Variants in TENM3 observed in about 807,000 individuals in gnomAD.
The protein encoded by TENM3 is teneurin-3.
In TENM3, 63 loss-of-function variants were observed where a neutral mutation model predicts 255.1. That is an observed-to-expected ratio of 0.25 (90% CI 0.20 to 0.30). The LOEUF is 0.30. TENM3 is among the 10% of genes least tolerant of loss of function. TENM3 has a pLI of 1.00. For missense variants in TENM3, 2,929 were observed against 3,461.1 expected (o/e 0.85, Z 3.86); for synonymous variants, 1,306 against 1,322.3 (o/e 0.99, Z 0.27).
the TENM3 span, among the ~76,000 whole-genome samples, chr4:181,881,398 T>C: frequency 6.6e-6 from 1 of 152,094 alleles, no homozygotes; most frequent in Non-Finnish European, 1.5e-5. Context: ...AAATAAGTAG[T>C]TCAGAAGACA....
intron 1 of TENM3, among the ~76,000 whole-genome samples, chr4:182,209,359 G>A (rs981405379): frequency 6.6e-6 from 1 of 151,140 alleles, no homozygotes; most frequent in African/African-American, 2.4e-5. Flanking sequence ...CAAGGCAGGT[G>A]CTTCCCAGGC....
At chr4:181,856,235 T>C in the TENM3 span, among the ~76,000 whole-genome samples, 3 of 151,826 alleles carry the variant, frequency 2.0e-5, no homozygotes, top group Non-Finnish European at 4.4e-5. Flanking sequence ...CAGTTACCCC[T>C]ACCTCAATGT....
intron 3 of TENM3, among the ~76,000 whole-genome samples, chr4:182,437,458 G>A (rs1193364359): frequency 2.0e-5 from 3 of 150,188 alleles, no homozygotes; most frequent in Non-Finnish European, 4.4e-5. Context: ...AGATCAGCCT[G>A]GGCAACATGG....
chr4:182,114,764 CA>C, the TENM3 span, among the ~76,000 whole-genome samples: 1 of 152,160 alleles, frequency 6.6e-6, no homozygotes, highest in African/African-American at 2.4e-5. Context: ...ATATGAAATA[CA>C]TGCAACATAT....
intron 1 of TENM3, among the ~76,000 whole-genome samples, chr4:182,292,467 A>AT (rs1761189972): frequency 6.6e-6 from 1 of 152,038 alleles, no homozygotes; most frequent in African/African-American, 2.4e-5. Flanking sequence ...TTCTTGTTCT[A>AT]TTTTTCCAGT....
At chr4:181,764,739 G>T in the TENM3 span, among the ~76,000 whole-genome samples, 7 of 152,262 alleles carry the variant, frequency 4.6e-5, no homozygotes, top group African/African-American at 1.4e-4. Flanking sequence ...TTGCCAGATT[G>T]TACTGCAGCA....
chr4:181,760,999 C>CAT, the TENM3 span, among the ~76,000 whole-genome samples: 129 of 145,610 alleles, frequency 8.9e-4, no homozygotes, highest in East Asian at 3.5e-3. Context: ...CACACACACA[C>CAT]ACACACACAC....
intron 3 of TENM3, among the ~76,000 whole-genome samples, chr4:182,437,796 T>TA (rs35043762): frequency 0.42 from 58,195 of 138,156 alleles, 12,218 homozygotes; most frequent in Non-Finnish European, 0.47. Context: ...AGACTCCGTC[T>TA]AAAAAAAAAA....
intron 1 of TENM3, among the ~76,000 whole-genome samples, chr4:182,300,406 G>C (rs1325142710): frequency 6.6e-6 from 1 of 152,156 alleles, no homozygotes; most frequent in East Asian, 1.9e-4. Context: ...GTTCTTTTCT[G>C]TATGTTGAAT....
At chr4:182,653,088 A>G (rs1363358305) in intron 5 of TENM3, among the ~76,000 whole-genome samples, 1 of 152,140 alleles carries the variant, frequency 6.6e-6, no homozygotes, top group African/African-American at 2.4e-5. Flanking sequence ...ATTAGTAAAC[A>G]TAATCATAAA....
chr4:182,701,307 G>A (rs564763484), intron 12 of TENM3, among the ~76,000 whole-genome samples: 26 of 130,148 alleles, frequency 2.0e-4, no homozygotes, highest in Non-Finnish European at 3.3e-4. Flanking sequence ...TGCAAGCTCC[G>A]CCTCCTGGGT....
In TENM3 at chr4:182,732,075, C is replaced by A. The variant is rs570455885; in HGVS notation, c.2967+936C>A. Among the ~76,000 whole-genome samples, 6 of 152,006 alleles carry A rather than the reference C, an allele frequency of 3.9e-5. No individual in the cohort carries two copies. In the South Asian group the frequency reaches 1.2e-3, roughly 32 times the overall value. ...GGATTACAGGTGTGAGCCACCGCACCCGGCCTTTCTAGTTATTTCTTAAAG... is the reference window on the plus strand; with the variant it reads ...GGATTACAGGTGTGAGCCACCGCACACGGCCTTTCTAGTTATTTCTTAAAG... On this transcript the variant is annotated intron_variant, in intron 16 of 27. Coordinates refer to ENST00000511685, the MANE Select transcript of TENM3 (RefSeq NM_001080477.4).
At chr4:182,403,122 A>C (rs1769317646) in intron 3 of TENM3, among the ~76,000 whole-genome samples, 1 of 152,214 alleles carries the variant, frequency 6.6e-6, no homozygotes, top group Middle Eastern at 3.2e-3. Flanking sequence ...TGGGCTCTTC[A>C]ATATTTCTAT....
Position 182,381,841 on chromosome 4 carries a change from G to A in TENM3, c.511+34912G>A, listed in dbSNP as rs181425621. ...CTCCCAAAGTGCTGGGATTACAGGCGTGAGCCACCACACCGGGCCTATAGC... is the reference window on the plus strand; with the variant it reads ...CTCCCAAAGTGCTGGGATTACAGGCATGAGCCACCACACCGGGCCTATAGC... On this transcript the variant is annotated intron_variant, in intron 3 of 27. Coordinates refer to ENST00000511685, the MANE Select transcript of TENM3 (RefSeq NM_001080477.4). Among the ~76,000 whole-genome samples the A allele has an allele frequency of 5.7e-3, 866 of 152,322 alleles. 9 individuals carry two copies. The highest frequency in any genetic ancestry group is 0.02 in the African/African-American group (824 of 41,578).
At chr4:182,398,184 C>T (rs1395901642) in intron 3 of TENM3, among the ~76,000 whole-genome samples, 1 of 152,114 alleles carries the variant, frequency 6.6e-6, no homozygotes, top group African/African-American at 2.4e-5. Context: ...GTGGAGGGGA[C>T]TTGATGCTGG....
the TENM3 span, among the ~76,000 whole-genome samples, chr4:181,632,742 T>C: frequency 2.0e-5 from 3 of 152,148 alleles, no homozygotes; most frequent in Non-Finnish European, 4.4e-5. Context: ...TCTTGGACTT[T>C]ACCTCCCTGA....
the TENM3 span, among the ~76,000 whole-genome samples, chr4:181,629,481 A>G: frequency 3.9e-5 from 6 of 152,090 alleles, no homozygotes; most frequent in East Asian, 1.9e-4. Flanking sequence ...GTTTGTCATA[A>G]ATAGCTCTTA....
At chr4:182,380,128 G>A (rs1016682013) in intron 3 of TENM3, among the ~76,000 whole-genome samples, 3 of 151,948 alleles carry the variant, frequency 2.0e-5, no homozygotes, top group East Asian at 1.9e-4. Flanking sequence ...AAAATTAGGC[G>A]GGCCTGGTGG....
the TENM3 span, among the ~76,000 whole-genome samples, chr4:181,767,561 T>A: frequency 9.2e-5 from 14 of 152,116 alleles, no homozygotes; most frequent in Admixed American, 6.5e-4. Context: ...TGTATATGGC[T>A]TTTGAATGTG....
Sources: allele counts gnomAD v4.1 joint callset (sites outside exome capture counted in the v4.1 genomes callset), GRCh38; gene constraint gnomAD v4.1.1; transcripts MANE v1.5; gene names NCBI Gene and HGNC (gene_info 2026-07-23, HGNC 2026-07-21).